Variants in SLC34A2 observed in about 807,000 individuals in gnomAD.
SLC34A2 encodes sodium-dependent phosphate transport protein 2B.
Under a neutral mutation model 50.8 loss-of-function variants are expected in SLC34A2, and 41 were observed. The ratio of observed to expected loss-of-function variants is 0.81; its 90% confidence interval spans 0.63 to 1.05. The LOEUF (loss-of-function observed/expected upper bound fraction) is 1.05. SLC34A2 is among the 50% of genes least tolerant of loss of function. The probability of loss-of-function intolerance (pLI) is 0.00; values close to 1 mark genes in which losing one functional copy is unlikely to be tolerated. For synonymous variants in SLC34A2, 401 were observed against 364.2 expected, an observed-to-expected ratio of 1.10 and a Z score of -1.15; for missense variants, 879 against 876.7, an observed-to-expected ratio of 1.00 and a Z score of -0.03.
At chr4:25,675,746 A>C (rs1715074061) in intron 12 of SLC34A2, among the ~76,000 whole-genome samples, 1 of 152,214 alleles carries the variant, frequency 6.6e-6, no homozygotes, top group Non-Finnish European at 1.5e-5. Flanking sequence ...CAGCCTGGGC[A>C]TGGAAATTGG....
chr4:25,667,954 G>A lies in SLC34A2; in HGVS notation c.598G>A (p.Ala200Thr), dbSNP rs1292376724. The A allele has an allele frequency of 6.2e-7, 1 of 1,613,926 alleles. No individual in the cohort carries two copies. The highest frequency in any genetic ancestry group is 8.5e-7 in the Non-Finnish European group (1 of 1,179,826). The stretch of plus-strand genomic sequence containing the variant: ...AACGTCAATCACCAACACTATTGTT[G>A]CGCTCATGCAGGTGGGAGATCGGAG... Reference protein sequence around the residue: ...IGTSITNTIVALMQVGDRSEF... With the variant: ...IGTSITNTIVTLMQVGDRSEF... Residue 200 changes from alanine to threonine, a missense_variant, in exon 6 of 13, where the codon GCG becomes ACG. By Grantham distance (58) the Ala-to-Thr change is moderately conservative. Transcript: ENST00000382051.
Position 25,674,664 on chromosome 4 carries a change from G to C in SLC34A2, c.1458+35G>C, listed in dbSNP as rs768053735. 3 of 1,613,400 alleles carry C rather than the reference G, an allele frequency of 1.9e-6. No individual in the cohort carries two copies. In the Admixed American group the frequency reaches 5.0e-5, roughly 27 times the overall value. ...TGGGGCACGGGGACAGGGGCCCTGG[G>C]AGTGGGACCACCCATGGTCTTGCAA... On this transcript the variant is annotated intron_variant, in intron 12 of 12. Coordinates refer to ENST00000382051, the MANE Select transcript of SLC34A2 (RefSeq NM_006424.3).
chr4:25,666,395 T>A (rs1714505788), intron 5 of SLC34A2, 124 bp downstream of exon 5: 1 of 1,085,878 alleles, frequency 9.2e-7, no homozygotes, highest in African/African-American at 1.6e-5. Context: ...TGTCTTGGTA[T>A]CTTGCCCCAG....
In SLC34A2 at chr4:25,676,469, G is replaced by A. The variant is rs780836430; in HGVS notation, c.1793G>A (p.Arg598His). The A allele has an allele frequency of 9.3e-6, 15 of 1,614,036 alleles. No homozygotes were observed. Among genetic ancestry groups the A allele is most frequent in the African/African-American group, 1.3e-5 (1 of 74,924 alleles). The change falls in exon 13 of 13, where the codon CGC becomes CAC. Residue 598 changes from arginine (R) to histidine (H), a missense_variant. Arg to His is a conservative substitution (Grantham distance 29). Coordinates refer to ENST00000382051, the MANE Select transcript of SLC34A2 (RefSeq NM_006424.3). The part of the protein sequence containing the change: ...QNWNFLPLWM[R>H]SLKPWDAVVS... ...TGGAACTTCCTGCCGCTGTGGATGCGCTCGCTGAAGCCCTGGGATGCCGTC... is the reference window on the plus strand; with the variant it reads ...TGGAACTTCCTGCCGCTGTGGATGCACTCGCTGAAGCCCTGGGATGCCGTC...
chr4:25,661,158 A>T (rs1331975530), intron 1 of SLC34A2, among the ~76,000 whole-genome samples: 3 of 152,230 alleles, frequency 2.0e-5, no homozygotes, highest in Non-Finnish European at 4.4e-5. Context: ...CCTCAATGCC[A>T]GTCACTTTCT....
chr4:25,662,876 G>T, intron 3 of SLC34A2, 34 bp downstream of exon 3: 2 of 1,612,102 alleles, frequency 1.2e-6, no homozygotes, highest in South Asian at 2.2e-5. Context: ...ATTCAGGAGG[G>T]AAACTTCCTG....
At chr4:25,668,831 C>T (rs1438525198) in intron 6 of SLC34A2, among the ~76,000 whole-genome samples, 1 of 151,058 alleles carries the variant, frequency 6.6e-6, no homozygotes, top group Non-Finnish European at 1.5e-5. Flanking sequence ...ATGCTGGAAA[C>T]TCTTTTCTTT....
chr4:25,667,905 C>G lies in SLC34A2; in HGVS notation c.549C>G (p.Pro183=). The G allele has an allele frequency of 6.2e-7, 1 of 1,613,666 alleles. No individual in the cohort carries two copies. Among genetic ancestry groups the G allele is most frequent in the Non-Finnish European group, 8.5e-7 (1 of 1,179,576 alleles). Residue 183 remains proline (P), a synonymous_variant, in exon 6 of 13, where the codon CCC becomes CCG. Transcript: ENST00000382051. ...TGCTCACTGTTCGGGCTGCCATCCC[C>G]ATTATCATGGGGGCCAACATTGGAA... The part of the protein sequence containing the change: ...SSLLTVRAAI[P]IIMGANIGTS...
At position 25,676,757 on chromosome 4, in the gene SLC34A2, C is replaced by T; in HGVS notation, c.*8C>T. 3 of 1,614,044 alleles carry T rather than the reference C, an allele frequency of 1.9e-6. No individual in the cohort carries two copies. The highest frequency in any genetic ancestry group is 2.5e-6 in the Non-Finnish European group (3 of 1,180,018). On this transcript the variant is annotated 3_prime_UTR_variant, in exon 13 of 13. Transcript: ENST00000382051. ...GAATGCACGGCCTTGTAGGGGACGCCCCAGATTGTCAGGGATGGGGGGATG... is the reference window on the plus strand; with the variant it reads ...GAATGCACGGCCTTGTAGGGGACGCTCCAGATTGTCAGGGATGGGGGGATG...
chr4:25,672,033 T>C (rs1322787366), intron 9 of SLC34A2, among the ~76,000 whole-genome samples: 2 of 152,216 alleles, frequency 1.3e-5, no homozygotes, highest in Non-Finnish European at 2.9e-5. Flanking sequence ...TTCAGATTCC[T>C]TTAGTCAATA....
rs757981585 is a variant in SLC34A2 at position 25,664,077 on chromosome 4, G to A, written c.251-125G>A. 31 of 923,694 alleles carry A rather than the reference G, an allele frequency of 3.4e-5. 1 individual carries two copies. Among genetic ancestry groups the A allele is most frequent in the Middle Eastern group, 3.2e-4 (1 of 3,156 alleles). 57.2% of individuals were successfully genotyped at this position (923,694 alleles called of 1,614,324 possible). On this transcript the variant is annotated intron_variant, in intron 3 of 12. Transcript: ENST00000382051. ...GGCTGGCTAGACATAAGAACTTAACGGCTGCCAGGCTGGGAAGGGAGGGGA... is the reference window on the plus strand; with the variant it reads ...GGCTGGCTAGACATAAGAACTTAACAGCTGCCAGGCTGGGAAGGGAGGGGA...
intron 6 of SLC34A2, among the ~76,000 whole-genome samples, chr4:25,669,007 ACCT>A (rs1217149261): frequency 6.6e-6 from 1 of 151,760 alleles, no homozygotes; most frequent in Non-Finnish European, 1.5e-5. Context: ...GAATCTTTGA[ACCT>A]CCTCAGATGG....
chr4:25,674,732 A>C lies in SLC34A2; in HGVS notation c.1458+103A>C, dbSNP rs116838656. The stretch of plus-strand genomic sequence containing the variant: ...GCCAGGCTTTTCTCTGTACTATCCA[A>C]AATATGGAACTAATATGTGGAGGGG... On this transcript the variant is annotated intron_variant, in intron 12 of 12. Transcript: ENST00000382051. The C allele has an allele frequency of 7.8e-4, 1,157 of 1,478,072 alleles. 12 individuals carry two copies. The African/African-American group carries it at 0.015, about 19-fold the overall frequency. 91.6% of individuals were successfully genotyped at this position (1,478,072 alleles called of 1,614,324 possible). A position where few individuals can be genotyped will look rare whatever the true frequency, so the allele number is the denominator to read the frequency against.
In SLC34A2 at chr4:25,669,741, A is replaced by T. The variant is rs771345195; in HGVS notation, c.730A>T (p.Ile244Leu). The change falls in exon 7 of 13, where the codon ATA becomes TTA. Residue 244 changes from isoleucine (I) to leucine (L), a missense_variant. Transcript: ENST00000382051. ...VEVATHYLEIITQLIVESFHF... is the reference protein window; with the variant it reads ...VEVATHYLEILTQLIVESFHF... Reference sequence around the variant, plus strand: ...GGTGGCCACCCATTACCTCGAGATCATAACCCAGCTTATAGTGGAGAGCTT... The same window carrying T: ...GGTGGCCACCCATTACCTCGAGATCTTAACCCAGCTTATAGTGGAGAGCTT... The T allele has an allele frequency of 9.1e-5, 147 of 1,614,070 alleles. No homozygotes were observed. The highest frequency in any genetic ancestry group is 1.2e-4 in the Non-Finnish European group (137 of 1,180,040).
intron 1 of SLC34A2, among the ~76,000 whole-genome samples, chr4:25,660,464 C>T (rs1310544733): frequency 5.9e-5 from 9 of 152,240 alleles, no homozygotes; most frequent in Non-Finnish European, 1.2e-4. Context: ...CAACTCATAA[C>T]ATCTTCTCCA....
At chr4:25,660,810 G>T (rs1198957409) in intron 1 of SLC34A2, among the ~76,000 whole-genome samples, 1 of 152,224 alleles carries the variant, frequency 6.6e-6, no homozygotes, top group Non-Finnish European at 1.5e-5. Context: ...TTCCCAAAGT[G>T]TTGGGTTTAC....
chr4:25,664,005 C>T lies in SLC34A2; in HGVS notation c.251-197C>T, dbSNP rs76930256. ...GGGGTTTCAGCTAAATGGACCACAG[C>T]GGTAACTGCTTTGAAAGCTGCAGCG... is the stretch of plus-strand genomic sequence containing the variant. On this transcript the variant is annotated intron_variant, in intron 3 of 12. Coordinates refer to ENST00000382051, the MANE Select transcript of SLC34A2 (RefSeq NM_006424.3). Among the ~76,000 whole-genome samples the T allele has an allele frequency of 5.1e-3, 774 of 152,252 alleles. 6 individuals carry two copies. Among genetic ancestry groups the T allele is most frequent in the Middle Eastern group, 0.034 (10 of 294 alleles).
chr4:25,676,033 G>A, intron 12 of SLC34A2, 102 bp from the exon 13 acceptor site: 2 of 1,547,774 alleles, frequency 1.3e-6, no homozygotes, highest in Non-Finnish European at 1.7e-6. Flanking sequence ...GCCCGAGACT[G>A]TGCTGCCTGT....
chr4:25,657,400 G>A (rs1184473434), intron 1 of SLC34A2, among the ~76,000 whole-genome samples: 1 of 151,930 alleles, frequency 6.6e-6, no homozygotes, highest in East Asian at 1.9e-4. Context: ...ACATCCCAGG[G>A]AATTTATTCA....
Sources: allele counts gnomAD v4.1 joint callset (sites outside exome capture counted in the v4.1 genomes callset), GRCh38; gene constraint gnomAD v4.1.1; transcripts MANE v1.5; gene names NCBI Gene and HGNC (gene_info 2026-07-23, HGNC 2026-07-21).